The following TMEM132D variants were observed in gnomAD, a reference collection of about 807,000 sequenced individuals.
The protein encoded by TMEM132D is transmembrane protein 132D, also known as mature OL transmembrane protein.
In TMEM132D, 21 loss-of-function variants were observed where a neutral mutation model predicts 62.3. The ratio of observed to expected loss-of-function variants is 0.34; its 90% CI spans 0.24 to 0.49. The LOEUF is 0.49. Ranked by LOEUF, TMEM132D falls within the 20% of genes least tolerant of loss-of-function variation. The pLI is 0.99. For synonymous variants in TMEM132D, 621 were observed against 575.6 expected (o/e 1.08, Z -1.13); for missense variants, 1,346 against 1,402.8 (o/e 0.96, Z 0.65).
chr12:129,737,193 T>C (rs1869454302), intron 1 of TMEM132D, among the ~76,000 whole-genome samples: 1 of 152,190 alleles, frequency 6.6e-6, no homozygotes. Context: ...GTCCTGATGT[T>C]GTAGGATGTT....
intron 5 of TMEM132D, among the ~76,000 whole-genome samples, chr12:129,114,066 C>T (rs2135648007): frequency 1.3e-5 from 2 of 152,242 alleles, no homozygotes; most frequent in East Asian, 3.9e-4. Flanking sequence ...GCCTCAGGTA[C>T]AGACATCCCT....
intron 3 of TMEM132D, among the ~76,000 whole-genome samples, chr12:129,398,125 T>A (rs1871487283): frequency 6.6e-6 from 1 of 152,208 alleles, no homozygotes; most frequent in Admixed American, 6.5e-5. Context: ...CAAACTGATA[T>A]AAACTCTGCC....
intron 1 of TMEM132D, among the ~76,000 whole-genome samples, chr12:129,790,016 C>G (rs913770634): frequency 1.3e-5 from 2 of 152,172 alleles, no homozygotes; most frequent in African/African-American, 4.8e-5. Flanking sequence ...AACTGGAGTG[C>G]GCAGGTGCTA....
chr12:129,807,757 T>G (rs1389783509), intron 1 of TMEM132D, among the ~76,000 whole-genome samples: 1 of 152,178 alleles, frequency 6.6e-6, no homozygotes, highest in Non-Finnish European at 1.5e-5. Flanking sequence ...ATAGCCCCAT[T>G]TGGTTGAAGT....
chr12:129,313,691 C>T (rs567879712), intron 4 of TMEM132D, among the ~76,000 whole-genome samples: 6 of 152,116 alleles, frequency 3.9e-5, no homozygotes, highest in Admixed American at 6.5e-5. Context: ...GCATCTTTTT[C>T]GAATAATGAC....
At chr12:129,612,147 G>A (rs1453348029) in intron 2 of TMEM132D, among the ~76,000 whole-genome samples, 1 of 152,272 alleles carries the variant, frequency 6.6e-6, no homozygotes, top group Middle Eastern at 3.4e-3. Flanking sequence ...ACCATGGGCT[G>A]TAACATCCAT....
intron 1 of TMEM132D, among the ~76,000 whole-genome samples, chr12:129,866,358 C>G (rs1462164862): frequency 6.7e-6 from 1 of 149,584 alleles, no homozygotes; most frequent in Non-Finnish European, 1.5e-5. Flanking sequence ...AAACCAAACA[C>G]TGCATGTTCT....
chr12:129,493,071 A>C (rs552238367), intron 3 of TMEM132D, among the ~76,000 whole-genome samples: 1 of 152,300 alleles, frequency 6.6e-6, no homozygotes, highest in African/African-American at 2.4e-5. Context: ...GTGCCCCTGT[A>C]TCCAGCTGTA....
chr12:129,366,089 TAAATA>T lies in TMEM132D; in HGVS notation c.1116-28277_1116-28273del, dbSNP rs563446535. On this transcript the variant is annotated intron_variant, in intron 3 of 8. Transcript: ENST00000422113. ...TTAAAAACTTCTTAAAATTACTAAA[TAAATA>T]AAATAATTAAAATTCTTAAAATAAA... 1.6e-4 allele frequency among the ~76,000 whole-genome samples: 24 copies of T among 152,054 alleles called. No individual in the cohort carries two copies. In the South Asian group the frequency reaches 1.7e-3, roughly 11 times the overall value.
intron 1 of TMEM132D, among the ~76,000 whole-genome samples, chr12:129,770,137 T>C (rs961148716): frequency 1.5e-5 from 1 of 67,662 alleles, no homozygotes; most frequent in Non-Finnish European, 3.1e-5. Context: ...GTGGGTTTTT[T>C]TGGTTGTTTT....
chr12:129,893,936 G>C (rs114352325), intron 1 of TMEM132D, among the ~76,000 whole-genome samples: 4,442 of 152,202 alleles, frequency 0.029, 230 homozygotes, highest in African/African-American at 0.1. Flanking sequence ...TGATTTTCAC[G>C]CCCTACAGAG....
At chr12:129,276,332 A>C (rs1255889636) in intron 4 of TMEM132D, among the ~76,000 whole-genome samples, 1 of 152,248 alleles carries the variant, frequency 6.6e-6, no homozygotes, top group Non-Finnish European at 1.5e-5. Context: ...GCAACTCTGA[A>C]CGTTATACTG....
rs1873458849 is a variant in TMEM132D at position 129,456,168 on chromosome 12, T to C, written c.1115+74891A>G. 3.3e-5 allele frequency among the ~76,000 whole-genome samples: 5 copies of C among 152,326 alleles called. No individual in the cohort carries two copies. The South Asian group carries it at 1.0e-3, about 32-fold the overall frequency. ...TTGCCAGTTGTTAATCATGTGTGTATATATTACTCTCCCCACTAATGCCAT... is the reference window on the plus strand; with the variant it reads ...TTGCCAGTTGTTAATCATGTGTGTACATATTACTCTCCCCACTAATGCCAT... On this transcript the variant is annotated intron_variant, in intron 3 of 8. Coordinates refer to ENST00000422113, the MANE Select transcript of TMEM132D (RefSeq NM_133448.3).
intron 4 of TMEM132D, among the ~76,000 whole-genome samples, chr12:129,250,983 C>A (rs73420167): frequency 6.6e-6 from 1 of 152,174 alleles, no homozygotes; most frequent in Non-Finnish European, 1.5e-5. Flanking sequence ...GTTGCACATA[C>A]GTTTTATTTT....
chr12:129,233,295 GTGAATGAA>G (rs888335381), intron 4 of TMEM132D, among the ~76,000 whole-genome samples: 2 of 152,064 alleles, frequency 1.3e-5, no homozygotes, highest in African/African-American at 4.8e-5. Context: ...CAGTTCTTGA[GTGAATGAA>G]TGAATGAATG....
intron 1 of TMEM132D, among the ~76,000 whole-genome samples, chr12:129,743,474 T>C (rs865956622): frequency 1.3e-5 from 2 of 152,190 alleles, no homozygotes; most frequent in East Asian, 3.9e-4. Flanking sequence ...ACGTGTTTGC[T>C]TCCCCTTCTG....
rs1419985820 is a variant in TMEM132D at position 129,126,777 on chromosome 12, C to T, written c.1444-42075G>A. 2.0e-5 allele frequency among the ~76,000 whole-genome samples: 3 copies of T among 152,134 alleles called. No homozygotes were observed. The East Asian group carries it at 5.8e-4, about 29-fold the overall frequency. ...CGATGGCTTTCTTGTATATTGCTAG[C>T]ATAGAATTGATCAGTTAACTAGGAA... On this transcript the variant is annotated intron_variant, in intron 5 of 8. Coordinates refer to ENST00000422113, the MANE Select transcript of TMEM132D (RefSeq NM_133448.3).
chr12:129,221,559 C>A (rs1879346316), intron 4 of TMEM132D, among the ~76,000 whole-genome samples: 1 of 152,190 alleles, frequency 6.6e-6, no homozygotes, highest in Admixed American at 6.5e-5. Flanking sequence ...AGCCCTTCAT[C>A]TCCTGGTTAC....
chr12:129,747,694 G>A (rs1423192042), intron 1 of TMEM132D, among the ~76,000 whole-genome samples: 1 of 143,646 alleles, frequency 7.0e-6, no homozygotes, highest in Non-Finnish European at 1.5e-5. Flanking sequence ...CATGCACTCA[G>A]ACACACTCAA....
Sources: gnomAD v4.1 joint callset for allele counts (sites outside exome capture counted in the v4.1 genomes callset) on GRCh38, gnomAD v4.1.1 for gene constraint, MANE v1.5 for transcripts, NCBI Gene and HGNC (gene_info 2026-07-23, HGNC 2026-07-21) for gene names.